The following TRPM2 variants were observed in gnomAD, a reference collection of about 807,000 sequenced individuals.
The protein encoded by TRPM2 is transient receptor potential cation channel subfamily M member 2.
In TRPM2, 161 loss-of-function variants were observed where a neutral mutation model predicts 174.0. The ratio of observed to expected loss-of-function variants is 0.93; its 90% CI spans 0.81 to 1.05. The LOEUF is 1.05. TRPM2 is among the 50% of genes least tolerant of loss of function. TRPM2 has a pLI of 0.00. For missense variants in TRPM2, 2,057 were observed against 2,038.0 expected (o/e 1.01, Z -0.18); for synonymous variants, 954 against 861.3 (o/e 1.11, Z -1.88).
Position 44,353,836 on chromosome 21 carries a change from C to T in TRPM2, c.136C>T (p.Leu46=). The part of the protein sequence containing the change: ...SNSSLFKSWR[L]QCPFGNNDKQ... ...CAGCAGCCTCTTCAAGAGCTGGAGG[C>T]TACAGTGCCCCTTCGGCAACAATGA... Residue 46 remains leucine (L), a synonymous_variant, in exon 1 of 32, where the codon CTA becomes TTA. Coordinates refer to ENST00000397928, the MANE Select transcript of TRPM2 (RefSeq NM_003307.4). The T allele has an allele frequency of 6.2e-7, 1 of 1,600,504 alleles. No homozygotes were observed. The highest frequency in any genetic ancestry group is 1.1e-5 in the South Asian group (1 of 89,040).
At chr21:44,375,284 T>C (rs1282744889) in intron 5 of TRPM2, among the ~76,000 whole-genome samples, 2 of 152,254 alleles carry the variant, frequency 1.3e-5, no homozygotes, top group African/African-American at 4.8e-5. Context: ...TTCATGGTGC[T>C]TCTAAATCCT....
chr21:44,387,147 C>T (rs1398426975), intron 9 of TRPM2, among the ~76,000 whole-genome samples: 1 of 152,182 alleles, frequency 6.6e-6, no homozygotes, highest in Non-Finnish European at 1.5e-5. Flanking sequence ...GATTGCACCA[C>T]TGCACTCCAG....
chr21:44,419,034 C>T (rs984612125), intron 22 of TRPM2, among the ~76,000 whole-genome samples: 2 of 152,216 alleles, frequency 1.3e-5, no homozygotes, highest in Non-Finnish European at 2.9e-5. Flanking sequence ...TTCCAAGGTG[C>T]GAGGTCAGTG....
chr21:44,436,363 C>T (rs1219206844), intron 28 of TRPM2, among the ~76,000 whole-genome samples: 1 of 152,084 alleles, frequency 6.6e-6, no homozygotes, highest in African/African-American at 2.4e-5. Context: ...TCAGGGTCCT[C>T]TTGCTGCCCA....
chr21:44,401,813 G>T lies in TRPM2; in HGVS notation c.2454G>T (p.Met818Ile). The change falls in exon 16 of 32, where the codon ATG (methionine) becomes ATT (isoleucine). Residue 818 changes from methionine (M) to isoleucine (I), a missense_variant. Physicochemically the swap from Met to Ile is conservative, Grantham distance 10 (BLOSUM62 1). Coordinates refer to ENST00000397928, the MANE Select transcript of TRPM2 (RefSeq NM_003307.4). ...AFLCLFAYVL[M>I]VDFQPVPSWC... ...TCTGCCTGTTCGCCTACGTGCTCAT[G>T]GTGGACTTCCAGCCTGTGCCCTCCT... 6.2e-7 allele frequency: 1 copy of T among 1,613,902 alleles called. No homozygotes were observed.
intron 23 of TRPM2, 27 bp from the exon 24 acceptor site, chr21:44,424,825 C>T (rs1482374621): frequency 1.3e-6 from 2 of 1,526,028 alleles, no homozygotes; most frequent in African/African-American, 1.4e-5. Context: ...GGCAGGTGCT[C>T]ACTGTGTCTC....
intron 9 of TRPM2, among the ~76,000 whole-genome samples, chr21:44,388,159 T>A (rs2073597386): frequency 6.6e-6 from 1 of 152,186 alleles, no homozygotes; most frequent in Non-Finnish European, 1.5e-5. Context: ...AGCCCAAGTG[T>A]CCATTGACAG....
Position 44,376,321 on chromosome 21 carries a change from C to G in TRPM2, c.952+308C>G, listed in dbSNP as rs2048697670. On this transcript the variant is annotated intron_variant, in intron 6 of 31. Transcript: ENST00000397928. The surrounding 1 kb of genome is among the most constrained non-coding windows in gnomAD (Gnocchi z 4.2). ...TCTTTATACTTTGTTCCAGGAGGGT[C>G]ATCTTCTCTTGCCCATTTTAGCCAG... Among the ~76,000 whole-genome samples the G allele has an allele frequency of 6.6e-6, 1 of 152,228 alleles. No individual in the cohort carries two copies. The highest frequency in any genetic ancestry group is 1.5e-5 in the Non-Finnish European group (1 of 68,038).
chr21:44,355,655 A>G (rs2048038946), intron 2 of TRPM2, among the ~76,000 whole-genome samples: 1 of 152,138 alleles, frequency 6.6e-6, no homozygotes, highest in South Asian at 2.1e-4. Context: ...GCTGGGACGA[A>G]AGCAGAGTGT....
chr21:44,412,287 T>C (rs748837728), intron 19 of TRPM2, among the ~76,000 whole-genome samples: 101 of 152,328 alleles, frequency 6.6e-4, no homozygotes, highest in Non-Finnish European at 1.0e-3. Flanking sequence ...TATAGGTCTA[T>C]TTATATTTTC....
chr21:44,426,859 G>A (rs1176598586), intron 26 of TRPM2, 123 bp downstream of exon 26: 4 of 1,391,872 alleles, frequency 2.9e-6, no homozygotes, highest in Non-Finnish European at 4.0e-6. Context: ...AGGGGCCCGT[G>A]GGGGCCTGAA....
chr21:44,381,116 T>C (rs1274690892), intron 8 of TRPM2, among the ~76,000 whole-genome samples: 1 of 151,876 alleles, frequency 6.6e-6, no homozygotes, highest in Non-Finnish European at 1.5e-5. Context: ...GTTGGGGTCT[T>C]AGGCATGGAG....
intron 8 of TRPM2, among the ~76,000 whole-genome samples, chr21:44,379,721 C>T (rs1035139137): frequency 1.2e-4 from 19 of 152,176 alleles, no homozygotes; most frequent in African/African-American, 9.7e-5. Context: ...TGTGAAGGGC[C>T]GTGGTTGGCC....
rs372028765 is a variant in TRPM2 at position 44,406,602 on chromosome 21, C to T, written c.2799C>T (p.Asp933=). ...KIIIVKRMMK[D]VFFFLFLLAV... ...CACTCTCTGTCCTGCAGATGAAGGA[C>T]GTCTTCTTCTTCCTCTTCCTGCTGG... is the stretch of plus-strand genomic sequence containing the variant. Residue 933 remains aspartate, a synonymous_variant, in exon 19 of 32, where the codon GAC becomes GAT. Transcript: ENST00000397928. 1.6e-5 allele frequency: 25 copies of T among 1,609,240 alleles called. No individual in the cohort carries two copies. The highest frequency in any genetic ancestry group is 1.2e-4 in the Admixed American group (7 of 59,610).
chr21:44,363,084 TTTTA>T (rs1303540465), intron 2 of TRPM2, among the ~76,000 whole-genome samples: 1 of 152,204 alleles, frequency 6.6e-6, no homozygotes, highest in East Asian at 1.9e-4. Context: ...TTTTAAAAGT[TTTTA>T]TTTGTTTTTA....
intron 15 of TRPM2, 77 bp from the exon 16 acceptor site, chr21:44,401,604 C>A: frequency 4.1e-6 from 6 of 1,479,832 alleles, no homozygotes; most frequent in South Asian, 3.4e-5. Flanking sequence ...CGGGGGATCA[C>A]GGGGTGGCCA....
At chr21:44,397,626 A>G in intron 12 of TRPM2, 121 bp from the exon 13 acceptor site, 4 of 1,097,104 alleles carry the variant, frequency 3.6e-6, no homozygotes, top group Non-Finnish European at 4.9e-6. Flanking sequence ...ACACACAGTG[A>G]TTGCCCAGTG....
upstream of TRPM2, among the ~76,000 whole-genome samples, chr21:44,351,743 C>T (rs1321916520): frequency 6.6e-6 from 1 of 152,184 alleles, no homozygotes; most frequent in Non-Finnish European, 1.5e-5. Flanking sequence ...CCATTGGCCC[C>T]CCCACAGCGG....
intron 8 of TRPM2, among the ~76,000 whole-genome samples, chr21:44,381,944 AGATAGATG>A (rs1250328398): frequency 5.0e-5 from 6 of 119,354 alleles, no homozygotes; most frequent in Admixed American, 3.5e-4. Context: ...TTGATATGAT[AGATAGATG>A]GATAGATAGA....
Sources: gnomAD v4.1 joint callset for allele counts (sites outside exome capture counted in the v4.1 genomes callset) on GRCh38, gnomAD v4.1.1 for gene constraint, Gnocchi (gnomAD v3.1) non-coding constraint, MANE v1.5 for transcripts, NCBI Gene and HGNC (gene_info 2026-07-23, HGNC 2026-07-21) for gene names.